The following ADGRE5 variants were observed in gnomAD, a reference collection of about 807,000 sequenced individuals.
ADGRE5 encodes adhesion G protein-coupled receptor E5.
In ADGRE5, 72 loss-of-function variants were observed where a neutral mutation model predicts 100.3. That is an observed-to-expected ratio of 0.72 (90% CI 0.59 to 0.87). The LOEUF is 0.87. Among genes scored for constraint, ADGRE5 ranks in the 40% least tolerant of loss-of-function variants. The pLI, the probability that ADGRE5 is intolerant of heterozygous loss-of-function variation, is 0.00. For synonymous variants in ADGRE5, 439 were observed against 447.8 expected, an observed-to-expected ratio of 0.98 and a Z score of 0.25; for missense variants, 959 against 1,094.7, an observed-to-expected ratio of 0.88 and a Z score of 1.75.
chr19:14,408,379 G>T lies in ADGRE5; in HGVS notation c.*258G>T. 1 of 605,636 alleles carries T rather than the reference G, an allele frequency of 1.7e-6. No individual in the cohort carries two copies. Among genetic ancestry groups the T allele is most frequent in the Non-Finnish European group, 3.0e-6 (1 of 338,434 alleles). The allele number at this position is 605,636 out of a possible 1,614,324, so 37.5% of individuals were successfully genotyped here. A position where few individuals can be genotyped will look rare whatever the true frequency, so the allele number is the denominator to read the frequency against. On this transcript the variant is annotated 3_prime_UTR_variant, in exon 20 of 20. Transcript: ENST00000242786. ...TGACCCAGGGTGGGGACAGGGGCTG[G>T]CCCAGGGCTGCAATGCAGCATGTTG...
chr19:14,400,667 CTGTAGTCCTAGCTACTAG>C (rs1237208970), intron 9 of ADGRE5, among the ~76,000 whole-genome samples: 1 of 151,994 alleles, frequency 6.6e-6, no homozygotes, highest in Admixed American at 6.6e-5. Flanking sequence ...TGGCGGGCAC[CTGTAGTCCTAGCTACTAG>C]GGAGGCTGAG....
chr19:14,382,766 A>G (rs949817441), intron 1 of ADGRE5, among the ~76,000 whole-genome samples: 2 of 150,998 alleles, frequency 1.3e-5, no homozygotes, highest in African/African-American at 2.4e-5. Context: ...CTGGAGTGCA[A>G]TGGTGCAATC....
intron 9 of ADGRE5, among the ~76,000 whole-genome samples, chr19:14,399,194 T>C (rs1405687325): frequency 6.6e-6 from 1 of 151,762 alleles, no homozygotes; most frequent in Non-Finnish European, 1.5e-5. Flanking sequence ...CTCCTTCATA[T>C]AGTCAGTGTG....
At chr19:14,388,427 C>T in intron 1 of ADGRE5, 23 bp from the exon 2 acceptor site, 4 of 1,559,644 alleles carry the variant, frequency 2.6e-6, no homozygotes, top group South Asian at 2.4e-5. Flanking sequence ...CCCCTCTGAC[C>T]CCCTTTCCTT....
At chr19:14,403,082 G>A (rs575931230) in intron 12 of ADGRE5, among the ~76,000 whole-genome samples, 4 of 151,866 alleles carry the variant, frequency 2.6e-5, no homozygotes, top group Admixed American at 1.3e-4. Flanking sequence ...TCACTCTGTC[G>A]TCCAGGCTGG....
rs1444318876 is a variant in ADGRE5, at chr19:14,405,853, C to G, written c.1735C>G (p.Arg579Gly). 1.2e-6 allele frequency: 2 copies of G among 1,613,074 alleles called. No individual in the cohort carries two copies. Among genetic ancestry groups the G allele is most frequent in the Non-Finnish European group, 1.7e-6 (2 of 1,179,984 alleles). ...FLLVRPIQGS[R>G]TTIHLHLCIC... is the part of the protein sequence containing the mutation. ...GCTGGTGCGGCCCATCCAGGGCTCG[C>G]GCACCACCATACACCTGCACCTCTG... Residue 579 changes from arginine (R) to glycine (G), a missense_variant, in exon 14 of 20, where the codon CGC (arginine) becomes GGC (glycine). Arg to Gly is a moderately radical substitution (Grantham distance 125). Around this residue, in one of 6 missense-constraint regions of ADGRE5, gnomAD observed 428 missense variants for 386.2 expected, o/e 1.11. Coordinates refer to ENST00000242786, the MANE Select transcript of ADGRE5 (RefSeq NM_078481.4).
chr19:14,390,256 C>T (rs1257374720), intron 3 of ADGRE5, among the ~76,000 whole-genome samples: 1 of 151,120 alleles, frequency 6.6e-6, no homozygotes, highest in East Asian at 1.9e-4. Context: ...GCTCAGGAAT[C>T]TGGAGTCTGT....
Position 14,406,259 on chromosome 19 carries a change from G to C in ADGRE5, c.1822-72G>C. 1 of 1,227,378 alleles carries C rather than the reference G, an allele frequency of 8.1e-7. No individual in the cohort carries two copies. The highest frequency in any genetic ancestry group is 1.1e-6 in the Non-Finnish European group (1 of 890,182). The allele number at this position is 1,227,378 out of a possible 1,614,324, so 76.0% of individuals were successfully genotyped here. A position where few individuals can be genotyped will look rare whatever the true frequency, so the allele number is the denominator to read the frequency against. On this transcript the variant is annotated intron_variant, in intron 14 of 19. Coordinates refer to ENST00000242786, the MANE Select transcript of ADGRE5 (RefSeq NM_078481.4). The surrounding 1 kb of genome is among the most constrained non-coding windows in gnomAD (Gnocchi z 6.0). ...TCCCGCCCACTCTCGGGACCTGGCAGGCGACTGGCTCTGGCGCCGCATGCC... is the reference window on the plus strand; with the variant it reads ...TCCCGCCCACTCTCGGGACCTGGCACGCGACTGGCTCTGGCGCCGCATGCC...
chr19:14,387,277 G>GA (rs1247169983), intron 1 of ADGRE5, among the ~76,000 whole-genome samples: 1 of 152,032 alleles, frequency 6.6e-6, no homozygotes, highest in East Asian at 1.9e-4. Context: ...AGCTGGAGCT[G>GA]AGACCCCCAC....
At chr19:14,389,749 G>A (rs1975528016) in intron 3 of ADGRE5, among the ~76,000 whole-genome samples, 3 of 147,234 alleles carry the variant, frequency 2.0e-5, no homozygotes, top group African/African-American at 7.5e-5. Flanking sequence ...AAAAAAAAAA[G>A]AGAGAGACAG....
At position 14,406,056 on chromosome 19, in the gene ADGRE5, G is replaced by T; in HGVS notation, c.1821+117G>T. 1 of 910,950 alleles carries T rather than the reference G, an allele frequency of 1.1e-6. No individual in the cohort carries two copies. The highest frequency in any genetic ancestry group is 1.6e-6 in the Non-Finnish European group (1 of 619,728). 56.4% of individuals were successfully genotyped at this position (910,950 alleles called of 1,614,324 possible). A position where few individuals can be genotyped will look rare whatever the true frequency, so the allele number is the denominator to read the frequency against. ...GCGGGCCCTGGAGGCATGAGGCCCC[G>T]CCCCTGTCCGGGATCTGGCCCCGCC... On this transcript the variant is annotated intron_variant, in intron 14 of 19. Coordinates refer to ENST00000242786, the MANE Select transcript of ADGRE5 (RefSeq NM_078481.4). The surrounding 1 kb of genome is among the most constrained non-coding windows in gnomAD (Gnocchi z 6.0).
chr19:14,401,358 A>G lies in ADGRE5; in HGVS notation c.898-28A>G. ...GGCAACCCCTGTGGTCTGATGCTCC[A>G]GCGATTCTGTCACCCGCCACCCCCT... On this transcript the variant is annotated intron_variant, in intron 9 of 19. Coordinates refer to ENST00000242786, the MANE Select transcript of ADGRE5 (RefSeq NM_078481.4). This position sits in a 1 kb window ranked among gnomAD's most constrained non-coding sequence, Gnocchi z 4.1. 1 of 1,607,780 alleles carries G rather than the reference A, an allele frequency of 6.2e-7. No homozygotes were observed. The highest frequency in any genetic ancestry group is 8.5e-7 in the Non-Finnish European group (1 of 1,176,318).
In ADGRE5 at chr19:14,405,816, C is replaced by G. The variant is rs772693003; in HGVS notation, c.1698C>G (p.Ile566Met). The G allele has an allele frequency of 1.2e-6, 2 of 1,613,858 alleles. No individual in the cohort carries two copies. Among genetic ancestry groups the G allele is most frequent in the African/African-American group, 2.7e-5 (2 of 75,060 alleles). Reference sequence around the variant, plus strand: ...CACTCTTCTGCCTGCTGCTGTGCATCCTCACTTTCCTGCTGGTGCGGCCCA... The same window carrying G: ...CACTCTTCTGCCTGCTGCTGTGCATGCTCACTTTCCTGCTGGTGCGGCCCA... ...ALSLFCLLLCILTFLLVRPIQ... is the reference protein window; with the variant it reads ...ALSLFCLLLCMLTFLLVRPIQ... Residue 566 changes from isoleucine (I) to methionine (M), a missense_variant, in exon 14 of 20, where the codon ATC (isoleucine) becomes ATG (methionine). By Grantham distance (10) the Ile-to-Met change is conservative. Coordinates refer to ENST00000242786, the MANE Select transcript of ADGRE5 (RefSeq NM_078481.4).
intron 1 of ADGRE5, among the ~76,000 whole-genome samples, chr19:14,385,071 C>T (rs557217192): frequency 1.4e-4 from 18 of 124,664 alleles, no homozygotes; most frequent in East Asian, 7.6e-4. Context: ...CGTGCAGTGG[C>T]GGGATCTCAG....
At chr19:14,404,285 T>TC in intron 12 of ADGRE5, 98 bp from the exon 13 acceptor site, 1 of 1,097,966 alleles carries the variant, frequency 9.1e-7, no homozygotes, top group Non-Finnish European at 1.3e-6. Context: ...CGGTCAATAC[T>TC]CATCTAGTAA....
chr19:14,387,866 G>A (rs1269683764), intron 1 of ADGRE5, among the ~76,000 whole-genome samples: 1 of 151,838 alleles, frequency 6.6e-6, no homozygotes, highest in Non-Finnish European at 1.5e-5. Flanking sequence ...CCTGAGGTCA[G>A]GAGTTCGAGA....
intron 14 of ADGRE5, 52 bp downstream of exon 14, chr19:14,405,991 A>C: frequency 6.6e-7 from 1 of 1,510,408 alleles, no homozygotes; most frequent in Non-Finnish European, 8.9e-7. Flanking sequence ...GAGGCCTGGG[A>C]GGGGTTAGCC....
intron 1 of ADGRE5, among the ~76,000 whole-genome samples, chr19:14,381,998 C>T (rs1975176606): frequency 9.9e-5 from 15 of 152,226 alleles, no homozygotes; most frequent in Admixed American, 9.8e-4. Flanking sequence ...GTCTCAGCAG[C>T]AGGGGCAGCC....
At chr19:14,394,765 C>T (rs1203922688) in intron 4 of ADGRE5, among the ~76,000 whole-genome samples, 2 of 152,136 alleles carry the variant, frequency 1.3e-5, no homozygotes, top group Non-Finnish European at 2.9e-5. Flanking sequence ...AACCCCAAAA[C>T]CCTGTCCAGA....
Sources: allele counts gnomAD v4.1 joint callset (sites outside exome capture counted in the v4.1 genomes callset), GRCh38; gene constraint gnomAD v4.1.1; regional missense constraint gnomAD v4.1.1; non-coding constraint Gnocchi (gnomAD v3.1); transcripts MANE v1.5; gene names NCBI Gene and HGNC (gene_info 2026-07-23, HGNC 2026-07-21).